The following CCDC192 variants were observed in gnomAD, a reference collection of about 807,000 sequenced individuals.
CCDC192 encodes the protein coiled-coil domain containing 192, also known as coiled-coil domain-containing protein 192.
At chr5:127,869,194 C>T (rs1470304270) in intron 5 of CCDC192, among the ~76,000 whole-genome samples, 1 of 152,000 alleles carries the variant, frequency 6.6e-6, no homozygotes, top group African/African-American at 2.4e-5. Context: ...CCTGGTGGCA[C>T]GTGCCTGTAG....
intron 5 of CCDC192, among the ~76,000 whole-genome samples, chr5:127,833,778 TA>T (rs1561513884): frequency 6.6e-6 from 1 of 152,132 alleles, no homozygotes; most frequent in Non-Finnish European, 1.5e-5. Flanking sequence ...GTAAGCTGTA[TA>T]AAAAACAATT....
intron 5 of CCDC192, among the ~76,000 whole-genome samples, chr5:127,832,580 A>T (rs752167888): frequency 7.9e-5 from 12 of 152,246 alleles, no homozygotes; most frequent in Non-Finnish European, 1.8e-4. Context: ...AAAAAATTAC[A>T]AAATTCAGAA....
chr5:127,787,403 C>G (rs1043911640), intron 3 of CCDC192, among the ~76,000 whole-genome samples: 1 of 152,182 alleles, frequency 6.6e-6, no homozygotes, highest in South Asian at 2.1e-4. Context: ...GCCGCCACCT[C>G]GTCCCATAAG....
At chr5:127,717,928 C>CAAAAAAAAAAAA in intron 2 of CCDC192, among the ~76,000 whole-genome samples, 13 of 98,064 alleles carry the variant, frequency 1.3e-4, no homozygotes, top group African/African-American at 2.0e-4. Flanking sequence ...TAAAGCTAGA[C>CAAAAAAAAAAAA]AAAAAAAAAA....
chr5:127,709,923 T>C lies in CCDC192; in HGVS notation c.114+2163T>C, dbSNP rs563123216. 5.3e-5 allele frequency among the ~76,000 whole-genome samples: 8 copies of C among 152,200 alleles called. No individual in the cohort carries two copies. The South Asian group carries it at 1.5e-3, about 28-fold the overall frequency. On this transcript the variant is annotated intron_variant, in intron 2 of 6. Transcript: ENST00000514853. ...ACTTAACTGCCCTGTCTTCTAAGGA[T>C]GCTAATCAACCAGCACCCTAGAGGT...
intron 6 of CCDC192, among the ~76,000 whole-genome samples, chr5:127,913,137 T>G (rs1472137835): frequency 6.6e-6 from 1 of 152,218 alleles, no homozygotes; most frequent in Non-Finnish European, 1.5e-5. Flanking sequence ...AGCTCCATAA[T>G]TTTTCAGCTG....
At chr5:127,811,316 G>A (rs1758070578) in intron 5 of CCDC192, among the ~76,000 whole-genome samples, 1 of 152,168 alleles carries the variant, frequency 6.6e-6, no homozygotes, top group Non-Finnish European at 1.5e-5. Context: ...CTTTCCAGAT[G>A]CTCAAACTCT....
intron 5 of CCDC192, among the ~76,000 whole-genome samples, chr5:127,866,551 ATACTG>A (rs1033439127): frequency 6.6e-6 from 1 of 150,854 alleles, no homozygotes; most frequent in Non-Finnish European, 1.5e-5. Flanking sequence ...CTTACAGATA[ATACTG>A]TAAAGTCATG....
At position 127,915,779 on chromosome 5, in the gene CCDC192, G is replaced by C. The variant is rs376269899; in HGVS notation, c.536-25403G>C. Among the ~76,000 whole-genome samples the C allele has an allele frequency of 3.3e-5, 5 of 152,016 alleles. No individual in the cohort carries two copies. In the East Asian group the frequency reaches 9.6e-4, roughly 29 times the overall value. On this transcript the variant is annotated intron_variant, in intron 6 of 6. Coordinates refer to ENST00000514853, the MANE Select transcript of CCDC192 (RefSeq NM_001317938.2). The stretch of plus-strand genomic sequence containing the variant: ...TTAGTGTATTTTATGTGTGGCTCAA[G>C]ACAATTCTTCTTCCAATGTGGCCTA...
intron 3 of CCDC192, among the ~76,000 whole-genome samples, chr5:127,754,710 G>A (rs112963804): frequency 0.022 from 3,305 of 152,246 alleles, 123 homozygotes; most frequent in African/African-American, 0.075. Context: ...AATAAGCAAA[G>A]CATATTTGCA....
intron 3 of CCDC192, chr5:127,786,979 C>T: frequency 2.6e-6 from 1 of 383,752 alleles, no homozygotes; most frequent in Non-Finnish European, 5.0e-6. Context: ...CTGAGGTCAT[C>T]CAGATCTGGT....
At chr5:127,925,177 C>T (rs1580833389) in intron 6 of CCDC192, among the ~76,000 whole-genome samples, 1 of 152,224 alleles carries the variant, frequency 6.6e-6, no homozygotes, top group East Asian at 1.9e-4. Context: ...ATAATGTTCT[C>T]AAGGAATATA....
At chr5:127,747,320 T>C (rs1399749606) in intron 2 of CCDC192, among the ~76,000 whole-genome samples, 2 of 151,652 alleles carry the variant, frequency 1.3e-5, no homozygotes, top group Admixed American at 6.6e-5. Context: ...TGTGATCTCA[T>C]TGTTCAATTC....
intron 2 of CCDC192, among the ~76,000 whole-genome samples, chr5:127,739,044 T>C (rs1401620993): frequency 1.3e-5 from 2 of 152,174 alleles, no homozygotes; most frequent in East Asian, 3.8e-4. Context: ...TTCTGTTTTT[T>C]CCCCATCTTT....
intron 5 of CCDC192, among the ~76,000 whole-genome samples, chr5:127,833,446 T>C (rs1449954500): frequency 6.6e-6 from 1 of 152,188 alleles, no homozygotes; most frequent in Non-Finnish European, 1.5e-5. Context: ...TATTACATTA[T>C]AAATATAAAA....
intron 6 of CCDC192, among the ~76,000 whole-genome samples, chr5:127,876,884 A>C (rs1752104162): frequency 1.3e-5 from 2 of 152,314 alleles, no homozygotes; most frequent in Middle Eastern, 3.4e-3. Context: ...AACATTGTGA[A>C]CTTGAAACAG....
intron 3 of CCDC192, among the ~76,000 whole-genome samples, chr5:127,787,982 T>C (rs1756644560): frequency 6.7e-6 from 1 of 149,384 alleles, no homozygotes; most frequent in Non-Finnish European, 1.5e-5. Context: ...CTTGGAAGGC[T>C]GAGGCAGGAG....
chr5:127,920,300 A>G (rs1251331022), intron 6 of CCDC192, among the ~76,000 whole-genome samples: 1 of 152,188 alleles, frequency 6.6e-6, no homozygotes. Flanking sequence ...CTAAAAATAT[A>G]AACCCAAGAA....
chr5:127,767,726 CA>C (rs1183561835), intron 3 of CCDC192, among the ~76,000 whole-genome samples: 1 of 152,118 alleles, frequency 6.6e-6, no homozygotes, highest in Non-Finnish European at 1.5e-5. Flanking sequence ...CTTTATATTT[CA>C]ATTATTGATT....
Sources: gnomAD v4.1 joint callset for allele counts (sites outside exome capture counted in the v4.1 genomes callset) on GRCh38, gnomAD v4.1.1 for gene constraint, MANE v1.5 for transcripts, NCBI Gene and HGNC (gene_info 2026-07-23, HGNC 2026-07-21) for gene names.